The following DAB1 variants were observed in gnomAD, a reference collection of about 807,000 sequenced individuals.
The protein encoded by DAB1 is DAB adaptor protein 1, also known as disabled homolog 1.
In DAB1, 15 loss-of-function variants were observed where a neutral mutation model predicts 64.6. The observed-to-expected ratio is 0.23, with a 90% CI of 0.16 to 0.36. The LOEUF is 0.36. Ranked by LOEUF, DAB1 falls within the 10% of genes least tolerant of loss-of-function variation. The pLI is 1.00. For missense variants in DAB1, 596 were observed against 706.7 expected (o/e 0.84, Z 1.78); for synonymous variants, 235 against 251.9 (o/e 0.93, Z 0.64).
At chr1:57,418,928 T>C (rs947289391) in intron 1 of DAB1, among the ~76,000 whole-genome samples, 6 of 152,140 alleles carry the variant, frequency 3.9e-5, no homozygotes, top group Non-Finnish European at 8.8e-5. Flanking sequence ...AATCTGAACA[T>C]TTGCTCTCCA....
chr1:58,171,863 G>T (rs1426565446), intron 4 of DAB1, among the ~76,000 whole-genome samples: 1 of 152,206 alleles, frequency 6.6e-6, no homozygotes, highest in African/African-American at 2.4e-5. Flanking sequence ...AGGGTACAAG[G>T]CATCTAGGTT....
At chr1:57,446,701 T>A (rs1010349128) in intron 7 of DAB1, among the ~76,000 whole-genome samples, 14 of 152,058 alleles carry the variant, frequency 9.2e-5, no homozygotes, top group Non-Finnish European at 1.8e-4. Flanking sequence ...TTTTTAAAAA[T>A]TTATTGTATG....
rs1645573133 is a variant in DAB1, at chr1:56,995,159, T to C, written c.*2985A>G. The C allele has an allele frequency of 1.3e-5, 2 of 152,206 alleles. No individual in the cohort carries two copies. The allele number at this position is 152,206 out of a possible 1,614,324, so 9.4% of individuals were successfully genotyped here. The stretch of plus-strand genomic sequence containing the variant: ...GCGGCATGTAAAGATTGAAGAGCTA[T>C]GGAGAATGGGGACAGAATGACAGGT... On this transcript the variant is annotated 3_prime_UTR_variant, in exon 15 of 15. Coordinates refer to ENST00000371236, the MANE Select transcript of DAB1 (RefSeq NM_001365792.1).
chr1:57,704,412 GTGATGCAAATTATAGC>G (rs1646941668), intron 6 of DAB1, among the ~76,000 whole-genome samples: 2 of 152,072 alleles, frequency 1.3e-5, no homozygotes, highest in Non-Finnish European at 2.9e-5. Flanking sequence ...TTTTCATTTT[GTGATGCAAATTATAGC>G]ACCAATTACA....
chr1:57,355,934 G>A (rs1679067228), intron 1 of DAB1, among the ~76,000 whole-genome samples: 2 of 148,692 alleles, frequency 1.3e-5, no homozygotes, highest in Non-Finnish European at 3.0e-5. Context: ...TGTCCTCTAA[G>A]CATGCTATTT....
At chr1:57,738,737 AT>A (rs2101786147) in intron 6 of DAB1, among the ~76,000 whole-genome samples, 1 of 152,340 alleles carries the variant, frequency 6.6e-6, no homozygotes, top group South Asian at 2.1e-4. Context: ...TCGTTGAATT[AT>A]TTATTTTAAC....
intron 3 of DAB1, chr1:58,480,826 T>C: frequency 1.8e-6 from 1 of 544,466 alleles, no homozygotes; most frequent in East Asian, 3.1e-5. Flanking sequence ...TAGAAGAATT[T>C]AGATAATATC....
intron 2 of DAB1, among the ~76,000 whole-genome samples, chr1:57,250,807 A>T (rs1291532441): frequency 6.6e-6 from 1 of 152,190 alleles, no homozygotes; most frequent in African/African-American, 2.4e-5. Context: ...TCATATTATC[A>T]TGTCATCTTT....
intron 2 of DAB1, among the ~76,000 whole-genome samples, chr1:57,276,969 G>A (rs1321836361): frequency 6.6e-6 from 1 of 152,068 alleles, no homozygotes; most frequent in African/African-American, 2.4e-5. Flanking sequence ...AAGGAAAGAG[G>A]GAGGAAGGAA....
chr1:57,359,535 C>T (rs1268168385), intron 1 of DAB1, among the ~76,000 whole-genome samples: 2 of 151,858 alleles, frequency 1.3e-5, no homozygotes, highest in East Asian at 3.9e-4. Flanking sequence ...TATGGGGGTT[C>T]CTTAAAAACT....
rs141890173 is a variant in DAB1 at position 57,827,785 on chromosome 1, C to T, written n.88-1330G>A. ...CTGCCTATAGGTATCACAAAGGCGG[C>T]ACTGGGATGGGGGCAGGGAAAGAGT... On this transcript the variant is annotated intron_variant and non_coding_transcript_variant, in intron 1 of 1. Transcript: ENST00000477280. Among the ~76,000 whole-genome samples, 1,392 of 152,292 alleles carry T rather than the reference C, an allele frequency of 9.1e-3. 21 individuals are homozygous for T. The highest frequency in any genetic ancestry group is 0.032 in the African/African-American group (1,350 of 41,546).
chr1:57,799,463 T>C (rs1468903290), intron 6 of DAB1, among the ~76,000 whole-genome samples: 2 of 151,016 alleles, frequency 1.3e-5, no homozygotes. Context: ...GAATGACAAA[T>C]GGAGAGGTTT....
chr1:58,215,997 A>ATGGG (rs1658828471), intron 4 of DAB1, among the ~76,000 whole-genome samples: 1 of 152,116 alleles, frequency 6.6e-6, no homozygotes, highest in Admixed American at 6.6e-5. Flanking sequence ...GGATGGATGG[A>ATGGG]TGGGTCAACA....
At chr1:57,626,858 C>A (rs1402210836) in intron 7 of DAB1, among the ~76,000 whole-genome samples, 2 of 152,150 alleles carry the variant, frequency 1.3e-5, no homozygotes, top group African/African-American at 4.8e-5. Context: ...GGCCCTGCCT[C>A]CTAATACTAT....
At position 57,054,680 on chromosome 1, in the gene DAB1, G is replaced by A. The variant is rs539295743; in HGVS notation, c.723+8204C>T. Among the ~76,000 whole-genome samples the A allele has an allele frequency of 9.2e-5, 14 of 152,068 alleles. No homozygotes were observed. The South Asian group carries it at 1.0e-3, about 11-fold the overall frequency. Reference sequence around the variant, plus strand: ...TTTTTAGTAGAGATGGTGTTTCACCGTGTTAGCCAGGATGGTCTCGATCTC... The same window carrying A: ...TTTTTAGTAGAGATGGTGTTTCACCATGTTAGCCAGGATGGTCTCGATCTC... On this transcript the variant is annotated intron_variant, in intron 9 of 14. Transcript: ENST00000371236.
chr1:57,597,661 C>A (rs1645526636), intron 7 of DAB1, among the ~76,000 whole-genome samples: 1 of 152,204 alleles, frequency 6.6e-6, no homozygotes, highest in South Asian at 2.1e-4. Context: ...TCTACTGCAC[C>A]CTTAGAATGG....
chr1:57,846,113 T>C (rs992232200), intron 1 of DAB1, among the ~76,000 whole-genome samples: 10 of 152,092 alleles, frequency 6.6e-5, no homozygotes, highest in African/African-American at 1.7e-4. Context: ...GTCAGAAATA[T>C]AAGCTTTAGT....
chr1:57,263,339 C>T (rs374646166), intron 2 of DAB1, among the ~76,000 whole-genome samples: 2 of 152,004 alleles, frequency 1.3e-5, no homozygotes, highest in East Asian at 1.9e-4. Flanking sequence ...AGGCTGGTTT[C>T]GAACTCCTGA....
intron 7 of DAB1, among the ~76,000 whole-genome samples, chr1:57,647,988 G>A (rs1380569674): frequency 6.6e-6 from 1 of 152,138 alleles, no homozygotes; most frequent in Admixed American, 6.5e-5. Context: ...TCTGTCTATA[G>A]GCAGAATGCA....
Sources: gnomAD v4.1 joint callset for allele counts (sites outside exome capture counted in the v4.1 genomes callset) on GRCh38, gnomAD v4.1.1 for gene constraint, MANE v1.5 for transcripts, NCBI Gene and HGNC (gene_info 2026-07-23, HGNC 2026-07-21) for gene names.